Variants in ST3GAL2 observed in about 807,000 individuals in gnomAD.
ST3GAL2 encodes the protein CMP-N-acetylneuraminate-beta-galactosamide-alpha-2,3-sialyltransferase 2.
ST3GAL2 carries 16 observed loss-of-function variants against 37.5 expected under a neutral mutation model. The ratio of observed to expected loss-of-function variants is 0.43; its 90% CI spans 0.29 to 0.65. The LOEUF (loss-of-function observed/expected upper bound fraction) is 0.65, where lower values mean the gene tolerates loss of function less well. ST3GAL2 is among the 30% of genes least tolerant of loss of function. The pLI is 0.17. For missense variants in ST3GAL2, 383 were observed against 487.8 expected, an observed-to-expected ratio of 0.79 and a Z score of 2.02; for synonymous variants, 238 against 202.9, an observed-to-expected ratio of 1.17 and a Z score of -1.47.
intron 2 of ST3GAL2, among the ~76,000 whole-genome samples, chr16:70,396,898 G>C (rs1428295578): frequency 1.3e-5 from 2 of 152,080 alleles, no homozygotes; most frequent in African/African-American, 4.8e-5. Context: ...TGGAAAGACA[G>C]GGAGGACCCC....
intron 6 of ST3GAL2, among the ~76,000 whole-genome samples, chr16:70,382,177 C>G (rs936675144): frequency 2.0e-5 from 3 of 151,800 alleles, no homozygotes; most frequent in Admixed American, 1.3e-4. Flanking sequence ...GTTCTCTGAA[C>G]GACTGAGTTC....
At chr16:70,429,242 C>T (rs930919587) in intron 1 of ST3GAL2, among the ~76,000 whole-genome samples, 4 of 152,136 alleles carry the variant, frequency 2.6e-5, no homozygotes, top group African/African-American at 9.7e-5. Context: ...CCCAGTACTA[C>T]CTCCCCACTC....
At chr16:70,428,271 C>T (rs1567677905) in intron 1 of ST3GAL2, among the ~76,000 whole-genome samples, 2 of 152,182 alleles carry the variant, frequency 1.3e-5, no homozygotes, top group African/African-American at 2.4e-5. Flanking sequence ...CCAGCTGGGC[C>T]GAAGCCAGGG....
chr16:70,414,377 G>A (rs1375065747), intron 1 of ST3GAL2, among the ~76,000 whole-genome samples: 1 of 152,206 alleles, frequency 6.6e-6, no homozygotes, highest in Non-Finnish European at 1.5e-5. Context: ...ACATGCAAAC[G>A]GGATCTTTCA....
At chr16:70,427,064 G>A (rs946400311) in intron 1 of ST3GAL2, among the ~76,000 whole-genome samples, 2 of 152,028 alleles carry the variant, frequency 1.3e-5, no homozygotes, top group African/African-American at 4.8e-5. Flanking sequence ...TCCCAGGCTG[G>A]TCTCGAACTC....
At chr16:70,421,228 T>C (rs1273579939) in intron 1 of ST3GAL2, among the ~76,000 whole-genome samples, 1 of 152,216 alleles carries the variant, frequency 6.6e-6, no homozygotes, top group Non-Finnish European at 1.5e-5. Context: ...TGTGACCTAC[T>C]CAGGCAGGGC....
In ST3GAL2 at chr16:70,381,539, G is replaced by C; in HGVS notation, c.*150C>G. ...CGACCGCAGCGCAGATTGGTGCCAGGCCCGGCCGGTCCCCCAGTCTCGTGA... is the reference window on the plus strand; with the variant it reads ...CGACCGCAGCGCAGATTGGTGCCAGCCCCGGCCGGTCCCCCAGTCTCGTGA... On this transcript the variant is annotated 3_prime_UTR_variant, in exon 7 of 7. Transcript: ENST00000342907. 2.2e-6 allele frequency: 2 copies of C among 924,680 alleles called. No homozygotes were observed. The highest frequency in any genetic ancestry group is 3.2e-6 in the Non-Finnish European group (2 of 633,952). 57.3% of individuals were successfully genotyped at this position (924,680 alleles called of 1,614,324 possible).
chr16:70,432,668 T>G (rs1022422823), intron 1 of ST3GAL2, among the ~76,000 whole-genome samples: 1 of 152,202 alleles, frequency 6.6e-6, no homozygotes, highest in African/African-American at 2.4e-5. Context: ...CAGACCCCCC[T>G]TCTTGCGACA....
chr16:70,420,940 C>T (rs2047710369), intron 1 of ST3GAL2, among the ~76,000 whole-genome samples: 2 of 152,228 alleles, frequency 1.3e-5, no homozygotes, highest in African/African-American at 4.8e-5. Context: ...CCTCTGGACA[C>T]TTCCTTTCCA....
intron 1 of ST3GAL2, among the ~76,000 whole-genome samples, chr16:70,437,498 C>T (rs2047833289): frequency 7.2e-6 from 1 of 138,946 alleles, no homozygotes; most frequent in South Asian, 2.3e-4. Flanking sequence ...TCCCCCTCTG[C>T]CCCCCCCGCA....
intron 1 of ST3GAL2, among the ~76,000 whole-genome samples, chr16:70,431,856 C>T (rs1165473153): frequency 1.3e-5 from 2 of 151,544 alleles, no homozygotes; most frequent in South Asian, 2.1e-4. Context: ...CCCAGCTACT[C>T]GGGAGGCTGA....
intron 1 of ST3GAL2, among the ~76,000 whole-genome samples, chr16:70,433,342 T>G (rs903528056): frequency 2.6e-5 from 4 of 152,118 alleles, no homozygotes; most frequent in Non-Finnish European, 5.9e-5. Flanking sequence ...TGCTGCCAGT[T>G]TGCCCTCGGT....
At chr16:70,408,105 C>T (rs1307821531) in intron 1 of ST3GAL2, among the ~76,000 whole-genome samples, 2 of 152,170 alleles carry the variant, frequency 1.3e-5, no homozygotes, top group Non-Finnish European at 1.5e-5. Flanking sequence ...CTTTATGAAC[C>T]TCTGAGCATT....
At chr16:70,396,971 T>A (rs1290238646) in intron 2 of ST3GAL2, among the ~76,000 whole-genome samples, 2 of 151,832 alleles carry the variant, frequency 1.3e-5, no homozygotes, top group African/African-American at 2.4e-5. Context: ...TGTTTTTTTT[T>A]AACTCTAGAA....
Position 70,430,798 on chromosome 16 carries a change from C to T in ST3GAL2, c.-1004+8151G>A, listed in dbSNP as rs78868107. Among the ~76,000 whole-genome samples, 70 of 152,208 alleles carry T rather than the reference C, an allele frequency of 4.6e-4. No homozygotes were observed. The East Asian group carries it at 0.013, about 27-fold the overall frequency. ...CAAGAGAGGTGGGAACCGAGGAGGC[C>T]GGGGTTCTCTCCTCTCCCTTTACTT... On this transcript the variant is annotated intron_variant, in intron 1 of 6. Transcript: ENST00000342907.
intron 1 of ST3GAL2, among the ~76,000 whole-genome samples, chr16:70,420,690 T>C (rs1421549154): frequency 1.3e-5 from 2 of 152,258 alleles, no homozygotes; most frequent in East Asian, 3.8e-4. Context: ...TTTTATTCTT[T>C]GCACGCCCTA....
chr16:70,423,285 G>T (rs1477277023), intron 1 of ST3GAL2, among the ~76,000 whole-genome samples: 1 of 152,166 alleles, frequency 6.6e-6, no homozygotes, highest in Non-Finnish European at 1.5e-5. Flanking sequence ...GCGTCCGGAA[G>T]ATCACCTGAG....
intron 2 of ST3GAL2, among the ~76,000 whole-genome samples, chr16:70,397,527 C>T (rs2047525136): frequency 6.6e-6 from 1 of 151,700 alleles, no homozygotes; most frequent in Admixed American, 6.6e-5. Flanking sequence ...AGTTTGAGAT[C>T]AGCCTGGCCA....
chr16:70,420,162 T>C (rs986956213), intron 1 of ST3GAL2, among the ~76,000 whole-genome samples: 1 of 152,014 alleles, frequency 6.6e-6, no homozygotes, highest in Middle Eastern at 3.2e-3. Context: ...TATCAGTTTC[T>C]ATTCTTGTGG....
Sources: gnomAD v4.1 joint callset for allele counts (sites outside exome capture counted in the v4.1 genomes callset) on GRCh38, gnomAD v4.1.1 for gene constraint, MANE v1.5 for transcripts, NCBI Gene and HGNC (gene_info 2026-07-23, HGNC 2026-07-21) for gene names.